Variants in CCDC150 observed in about 807,000 individuals in gnomAD.
The protein encoded by CCDC150 is coiled-coil domain-containing protein 150.
CCDC150 carries 151 observed loss-of-function variants against 156.5 expected under a neutral mutation model. That is an observed-to-expected ratio of 0.97 (90% CI 0.85 to 1.10). The LOEUF (loss-of-function observed/expected upper bound fraction) is 1.10. CCDC150 is among the 50% of genes least tolerant of loss of function. CCDC150 has a pLI of 0.00. For synonymous variants in CCDC150, 452 were observed against 429.4 expected (o/e 1.05, Z -0.65); for missense variants, 1,312 against 1,268.1 (o/e 1.03, Z -0.53).
chr2:196,711,955 A>G (rs1392903728), intron 15 of CCDC150, among the ~76,000 whole-genome samples, 190 bp from the exon 16 acceptor site: 1 of 151,848 alleles, frequency 6.6e-6, no homozygotes, highest in African/African-American at 2.4e-5. Context: ...CAGAGTGTAT[A>G]TCATTTTTTG....
intron 13 of CCDC150, among the ~76,000 whole-genome samples, chr2:196,693,891 G>A (rs899638004): frequency 1.3e-5 from 2 of 151,848 alleles, no homozygotes; most frequent in African/African-American, 4.8e-5. Flanking sequence ...GTATTAAGAT[G>A]GTTATATGGG....
At chr2:196,726,268 T>A (rs1019573348) in intron 22 of CCDC150, 169 bp downstream of exon 22, 1 of 652,112 alleles carries the variant, frequency 1.5e-6, no homozygotes, top group African/African-American at 1.8e-5. Flanking sequence ...GAAAAAAGTT[T>A]CTGACATAAT....
intron 24 of CCDC150, 36 bp downstream of exon 24, chr2:196,729,897 A>G: frequency 3.1e-6 from 5 of 1,604,130 alleles, no homozygotes; most frequent in Non-Finnish European, 4.3e-6. Context: ...TTTACCTTTC[A>G]TGCAAAATCT....
intron 14 of CCDC150, among the ~76,000 whole-genome samples, chr2:196,697,703 T>G (rs1213162698): frequency 6.6e-6 from 1 of 152,190 alleles, no homozygotes; most frequent in Non-Finnish European, 1.5e-5. Flanking sequence ...AATAAAAAAC[T>G]TTAAAAAATG....
At chr2:196,720,521 C>A in intron 19 of CCDC150, 54 bp from the exon 20 acceptor site, 2 of 1,434,592 alleles carry the variant, frequency 1.4e-6, no homozygotes, top group Non-Finnish European at 1.9e-6. Context: ...CAAATGGTAT[C>A]ATTCCTACAC....
chr2:196,717,806 G>A lies in CCDC150; in HGVS notation c.1867-697G>A, dbSNP rs147023638. Among the ~76,000 whole-genome samples the A allele has an allele frequency of 3.2e-4, 48 of 152,112 alleles. No homozygotes were observed. In the East Asian group the frequency reaches 9.1e-3, roughly 29 times the overall value. ...TTGGGGAGGCTGAGTCAGGAGAATCGCTTGATCCCGGAAGGTGGAGGTTGC... is the reference window on the plus strand; with the variant it reads ...TTGGGGAGGCTGAGTCAGGAGAATCACTTGATCCCGGAAGGTGGAGGTTGC... On this transcript the variant is annotated intron_variant, in intron 17 of 27. Coordinates refer to ENST00000389175, the MANE Select transcript of CCDC150 (RefSeq NM_001080539.2).
chr2:196,646,801 G>T (rs1470339530), intron 2 of CCDC150, among the ~76,000 whole-genome samples: 1 of 138,802 alleles, frequency 7.2e-6, no homozygotes, highest in East Asian at 2.3e-4. Flanking sequence ...AATAAAAAAA[G>T]ATTTGTTCTC....
intron 13 of CCDC150, among the ~76,000 whole-genome samples, chr2:196,691,105 C>G (rs1249011135): frequency 6.6e-6 from 1 of 152,166 alleles, no homozygotes; most frequent in Admixed American, 6.6e-5. Context: ...ATTCAGTTTG[C>G]CAGTATTTCA....
intron 5 of CCDC150, among the ~76,000 whole-genome samples, chr2:196,662,164 A>G (rs1277559863): frequency 1.3e-5 from 2 of 152,364 alleles, no homozygotes; most frequent in East Asian, 3.9e-4. Context: ...AAATATAACC[A>G]CAAATAAAAT....
chr2:196,688,289 T>C (rs1285753908), intron 13 of CCDC150, among the ~76,000 whole-genome samples: 4 of 152,202 alleles, frequency 2.6e-5, no homozygotes, highest in Non-Finnish European at 5.9e-5. Context: ...GAGCAGTGTT[T>C]TGTAGTTCTT....
intron 5 of CCDC150, among the ~76,000 whole-genome samples, chr2:196,662,538 A>G (rs1693617346): frequency 6.6e-6 from 1 of 152,168 alleles, no homozygotes; most frequent in Non-Finnish European, 1.5e-5. Flanking sequence ...TAATGCTGCC[A>G]CTAATCTGAC....
chr2:196,653,646 T>C (rs1244128290), intron 2 of CCDC150, among the ~76,000 whole-genome samples: 3 of 152,184 alleles, frequency 2.0e-5, no homozygotes, highest in Non-Finnish European at 4.4e-5. Context: ...CACTTAAGTC[T>C]CTAAGAAGTT....
At chr2:196,726,168 G>T (rs2125714414) in intron 22 of CCDC150, 69 bp downstream of exon 22, 2 of 1,562,202 alleles carry the variant, frequency 1.3e-6, no homozygotes, top group South Asian at 1.2e-5. Flanking sequence ...GGATTTCAGA[G>T]AATGGCTACA....
Position 196,721,641 on chromosome 2 carries a change from A to G in CCDC150, c.2379A>G (p.Gln793=), listed in dbSNP as rs1231664598. ...TGCAAACAAAGCTAGATCACATTCA[A>G]GAGCAATTGGAAAGCAAAGAACTTG... is the stretch of plus-strand genomic sequence containing the variant. ...NHLQTKLDHI[Q]EQLESKELER... is the part of the protein sequence containing the mutation. Residue 793 remains glutamine, a synonymous_variant, in exon 21 of 28, where the codon CAA becomes CAG. Transcript: ENST00000389175. 1 of 1,604,380 alleles carries G rather than the reference A, an allele frequency of 6.2e-7. No homozygotes were observed. Among genetic ancestry groups the G allele is most frequent in the Non-Finnish European group, 8.5e-7 (1 of 1,175,742 alleles).
At chr2:196,676,501 G>C in intron 11 of CCDC150, 53 bp from the exon 12 acceptor site, 1 of 1,477,006 alleles carries the variant, frequency 6.8e-7, no homozygotes, top group Non-Finnish European at 9.2e-7. Context: ...TGCTCTTTCT[G>C]TTAAATTAGA....
chr2:196,713,380 C>T lies in CCDC150; in HGVS notation c.1866+641C>T, dbSNP rs1046162278. The T allele has an allele frequency of 2.7e-6, 4 of 1,501,066 alleles. No homozygotes were observed. In the African/African-American group the frequency reaches 4.3e-5, roughly 16 times the overall value. The allele number at this position is 1,501,066 out of a possible 1,614,324, so 93.0% of individuals were successfully genotyped here. A position where few individuals can be genotyped will look rare whatever the true frequency, so the allele number is the denominator to read the frequency against. ...CGATGCCTCTAAGAAAAAGGAAATC[C>T]CCAGAGAGGACTGCATCTTCAAAAT... is the stretch of plus-strand genomic sequence containing the variant. On this transcript the variant is annotated intron_variant, in intron 17 of 27. Transcript: ENST00000389175.
intron 20 of CCDC150, 26 bp from the exon 21 acceptor site, chr2:196,721,496 A>C (rs1272231622): frequency 6.4e-7 from 1 of 1,572,428 alleles, no homozygotes; most frequent in Non-Finnish European, 8.6e-7. Flanking sequence ...TTACAGTGGA[A>C]TTGAAAACAT....
At chr2:196,666,671 T>C in intron 6 of CCDC150, 48 bp from the exon 7 acceptor site, 1 of 1,521,238 alleles carries the variant, frequency 6.6e-7, no homozygotes, top group Non-Finnish European at 8.8e-7. Context: ...GGCAGCTTAT[T>C]TGAAATCTTT....
chr2:196,728,588 A>G (rs1698345184), intron 22 of CCDC150, among the ~76,000 whole-genome samples: 1 of 152,208 alleles, frequency 6.6e-6, no homozygotes, highest in Non-Finnish European at 1.5e-5. Flanking sequence ...GTTTATTAAA[A>G]TCCTTAAGAA....
Sources: allele counts gnomAD v4.1 joint callset (sites outside exome capture counted in the v4.1 genomes callset), GRCh38; gene constraint gnomAD v4.1.1; transcripts MANE v1.5; gene names NCBI Gene and HGNC (gene_info 2026-07-23, HGNC 2026-07-21).